The following RALGAPB variants were observed in gnomAD, a reference collection of about 807,000 sequenced individuals.
RALGAPB encodes Ral GTPase activating protein non-catalytic subunit beta.
A neutral mutation model predicts 161.1 loss-of-function variants in RALGAPB; 25 were observed. The observed-to-expected ratio is 0.16, with a 90% CI of 0.11 to 0.22. The LOEUF (loss-of-function observed/expected upper bound fraction) is 0.22. Ranked by LOEUF, RALGAPB falls within the 10% of genes least tolerant of loss-of-function variation. RALGAPB has a pLI of 1.00. For synonymous variants in RALGAPB, 629 were observed against 626.1 expected, an observed-to-expected ratio of 1.00 and a Z score of -0.07; for missense variants, 1,391 against 1,815.2, an observed-to-expected ratio of 0.77 and a Z score of 4.25.
intron 4 of RALGAPB, 144 bp downstream of exon 4, chr20:38,497,660 C>G: frequency 1.1e-6 from 1 of 891,514 alleles, no homozygotes; most frequent in Non-Finnish European, 1.7e-6. Flanking sequence ...AGAATGGAAA[C>G]TCTCAGGCAC....
chr20:38,545,215 T>A (rs1224634481), intron 18 of RALGAPB, among the ~76,000 whole-genome samples: 1 of 152,124 alleles, frequency 6.6e-6, no homozygotes, highest in African/African-American at 2.4e-5. Context: ...CCACAGGGAT[T>A]TTTAAATTTA....
intron 4 of RALGAPB, 67 bp downstream of exon 4, chr20:38,497,583 G>T: frequency 6.7e-7 from 1 of 1,498,702 alleles, no homozygotes; most frequent in South Asian, 1.3e-5. Context: ...TAAACTCAGT[G>T]AGCGGTAGAC....
At chr20:38,475,690 C>G (rs2084783314) in intron 1 of RALGAPB, among the ~76,000 whole-genome samples, 1 of 151,272 alleles carries the variant, frequency 6.6e-6, no homozygotes, top group South Asian at 2.1e-4. Flanking sequence ...TCTCAGCTCA[C>G]TACAACCTCC....
chr20:38,545,564 C>T (rs2087135311), intron 18 of RALGAPB, among the ~76,000 whole-genome samples: 1 of 152,182 alleles, frequency 6.6e-6, no homozygotes, highest in African/African-American at 2.4e-5. Context: ...CTTGAATGGC[C>T]TCTCCTCTTT....
intron 5 of RALGAPB, among the ~76,000 whole-genome samples, chr20:38,505,754 A>G (rs1455922913): frequency 5.3e-5 from 8 of 152,202 alleles, no homozygotes; most frequent in African/African-American, 1.7e-4. Flanking sequence ...AAAAACGTGC[A>G]TGCCTTGCTT....
At chr20:38,549,846 C>G (rs183593444) in intron 20 of RALGAPB, among the ~76,000 whole-genome samples, 1 of 152,008 alleles carries the variant, frequency 6.6e-6, no homozygotes, top group African/African-American at 2.4e-5. Context: ...GTATACTGCT[C>G]TTTTCATTTA....
chr20:38,507,400 T>C (rs545077239), intron 5 of RALGAPB, among the ~76,000 whole-genome samples: 3 of 152,124 alleles, frequency 2.0e-5, no homozygotes, highest in African/African-American at 7.2e-5. Context: ...TGAGGCAGGG[T>C]CTTGCTTTGT....
chr20:38,575,908 T>C lies in RALGAPB; in HGVS notation c.*941T>C, dbSNP rs2145560124. The stretch of plus-strand genomic sequence containing the variant: ...CAAACTGCAGTAGTTTGTGAAGGAT[T>C]CTAATATGGGGTTCAGGAATAGCCT... On this transcript the variant is annotated 3_prime_UTR_variant, in exon 30 of 30. Coordinates refer to ENST00000262879, the MANE Select transcript of RALGAPB (RefSeq NM_020336.4). 6.5e-6 allele frequency: 1 copy of C among 152,692 alleles called. No individual in the cohort carries two copies. The highest frequency in any genetic ancestry group is 1.5e-5 in the Non-Finnish European group (1 of 68,026). 9.5% of individuals were successfully genotyped at this position (152,692 alleles called of 1,614,324 possible). A position where few individuals can be genotyped will look rare whatever the true frequency, so the allele number is the denominator to read the frequency against.
intron 15 of RALGAPB, among the ~76,000 whole-genome samples, chr20:38,534,209 T>C (rs2086739878): frequency 6.6e-6 from 1 of 151,352 alleles, no homozygotes; most frequent in Non-Finnish European, 1.5e-5. Flanking sequence ...TGTTCTAATA[T>C]AAATGTTTTA....
chr20:38,513,891 T>C (rs2086049066), intron 6 of RALGAPB, among the ~76,000 whole-genome samples: 1 of 152,208 alleles, frequency 6.6e-6, no homozygotes, highest in Non-Finnish European at 1.5e-5. Flanking sequence ...TTTTCATGAA[T>C]TGGATAGGAA....
intron 21 of RALGAPB, among the ~76,000 whole-genome samples, chr20:38,552,936 T>G (rs753203832): frequency 5.3e-5 from 8 of 152,166 alleles, no homozygotes; most frequent in Non-Finnish European, 1.2e-4. Flanking sequence ...CCATTTAATG[T>G]GCTTAAGGAG....
At chr20:38,565,549 A>AT (rs1231017671) in intron 25 of RALGAPB, 71 bp downstream of exon 25, 2 of 1,530,742 alleles carry the variant, frequency 1.3e-6, no homozygotes, top group Non-Finnish European at 1.8e-6. Context: ...ATATTACTGC[A>AT]TTGGAAGAGA....
chr20:38,518,665 ATGGG>A (rs940119096), intron 9 of RALGAPB, among the ~76,000 whole-genome samples: 1 of 152,054 alleles, frequency 6.6e-6, no homozygotes, highest in African/African-American at 2.4e-5. Flanking sequence ...TGCAGGATGG[ATGGG>A]TGGGGTAGGG....
intron 5 of RALGAPB, 150 bp from the exon 6 acceptor site, chr20:38,508,927 T>A (rs577002201): frequency 1.2e-6 from 1 of 846,730 alleles, no homozygotes; most frequent in African/African-American, 1.7e-5. Flanking sequence ...TCTTTCAGTT[T>A]GTCTGTTTTA....
intron 3 of RALGAPB, among the ~76,000 whole-genome samples, chr20:38,494,088 G>A (rs904235223): frequency 3.9e-5 from 6 of 152,078 alleles, no homozygotes; most frequent in African/African-American, 1.2e-4. Context: ...GGCCCACAGC[G>A]ATCACACCTT....
At chr20:38,521,465 A>G (rs370325243) in intron 9 of RALGAPB, 32 bp from the exon 10 acceptor site, 73 of 1,612,540 alleles carry the variant, frequency 4.5e-5, no homozygotes, top group Non-Finnish European at 5.9e-5. Flanking sequence ...GCATATTGCA[A>G]ATATAATAAA....
chr20:38,502,587 A>T (rs1478715601), intron 5 of RALGAPB, among the ~76,000 whole-genome samples: 1 of 151,646 alleles, frequency 6.6e-6, no homozygotes, highest in Non-Finnish European at 1.5e-5. Context: ...TTTCTCTTTT[A>T]TATGATTTTT....
At chr20:38,498,366 A>G (rs1280704129) in intron 4 of RALGAPB, among the ~76,000 whole-genome samples, 2 of 152,186 alleles carry the variant, frequency 1.3e-5, no homozygotes, top group Non-Finnish European at 2.9e-5. Context: ...TCTAGTTCCA[A>G]GTTCTCTTGT....
At chr20:38,511,868 G>T (rs905484832) in intron 6 of RALGAPB, among the ~76,000 whole-genome samples, 1 of 152,134 alleles carries the variant, frequency 6.6e-6, no homozygotes, top group South Asian at 2.1e-4. Flanking sequence ...CGGGGTGGCG[G>T]CCGGGCAGAG....
Sources: gnomAD v4.1 joint callset for allele counts (sites outside exome capture counted in the v4.1 genomes callset) on GRCh38, gnomAD v4.1.1 for gene constraint, MANE v1.5 for transcripts, NCBI Gene and HGNC (gene_info 2026-07-23, HGNC 2026-07-21) for gene names.